SYN2: variants seen among roughly 807,000 people sequenced by gnomAD.
SYN2 encodes the protein synapsin-2.
A neutral mutation model predicts 50.9 loss-of-function variants in SYN2; 19 were observed. That is an observed-to-expected ratio of 0.37 (90% CI 0.26 to 0.55). SYN2 has a LOEUF of 0.55. Ranked by LOEUF, SYN2 falls within the 20% of genes least tolerant of loss-of-function variation. The pLI is 0.81. For synonymous variants in SYN2, 255 were observed against 224.9 expected (o/e 1.13, Z -1.20); for missense variants, 587 against 576.4 (o/e 1.02, Z -0.19).
At chr3:12,143,103 A>G (rs1471871766) in intron 3 of SYN2, among the ~76,000 whole-genome samples, 1 of 152,166 alleles carries the variant, frequency 6.6e-6, no homozygotes, top group African/African-American at 2.4e-5. Flanking sequence ...AAGCAGGGCA[A>G]GAATAAAGGC....
At chr3:12,059,203 A>G (rs1408616622) in intron 1 of SYN2, among the ~76,000 whole-genome samples, 1 of 152,192 alleles carries the variant, frequency 6.6e-6, no homozygotes. Flanking sequence ...CCTATGGTGT[A>G]TAGGTAAGGG....
intron 5 of SYN2, chr3:12,153,534 A>T: frequency 6.2e-7 from 1 of 1,613,744 alleles, no homozygotes. Flanking sequence ...AACGATGTCA[A>T]CAAACTCCTT....
intron 1 of SYN2, among the ~76,000 whole-genome samples, chr3:12,041,797 T>C (rs539713987): frequency 1.3e-5 from 2 of 152,366 alleles, no homozygotes; most frequent in African/African-American, 4.8e-5. Context: ...AAATTTGTTA[T>C]ATCCGGCGTT....
rs1213247292 is a variant in SYN2 at position 12,012,091 on chromosome 3, T to C, written c.377+7163T>C. Among the ~76,000 whole-genome samples the C allele has an allele frequency of 2.0e-5, 3 of 152,272 alleles. No individual in the cohort carries two copies. In the East Asian group the frequency reaches 5.8e-4, roughly 29 times the overall value. On this transcript the variant is annotated intron_variant, in intron 1 of 12. Transcript: ENST00000621198. ...CTTCTTTTTGTTGTTGTTATTTAGT[T>C]GAGGGCCACCGACTCAAGACAATAT... is the stretch of plus-strand genomic sequence containing the variant.
chr3:12,092,123 T>C (rs1695843334), intron 1 of SYN2, among the ~76,000 whole-genome samples: 1 of 152,150 alleles, frequency 6.6e-6, no homozygotes, highest in South Asian at 2.1e-4. Flanking sequence ...CTTTAACTCT[T>C]CTTGCACATT....
chr3:12,180,963 G>A (rs1451716074), intron 10 of SYN2, among the ~76,000 whole-genome samples: 1 of 152,212 alleles, frequency 6.6e-6, no homozygotes, highest in Non-Finnish European at 1.5e-5. Context: ...CACTGGATTG[G>A]AAGGAACCTT....
rs1157344983 is a variant in SYN2 at position 12,162,136 on chromosome 3, A to G, written c.962A>G (p.Asn321Ser). The G allele has an allele frequency of 1.2e-6, 2 of 1,614,178 alleles. No individual in the cohort carries two copies. The highest frequency in any genetic ancestry group is 1.1e-5 in the South Asian group (1 of 91,088). ...GACATCCGGGTCCAGAAGATTGGCA[A>G]CAACTACAAGGCTTACATGTGAGTA... Reference protein sequence around the residue: ...KYDIRVQKIGNNYKAYMRTSI... With the variant: ...KYDIRVQKIGSNYKAYMRTSI... Residue 321 changes from asparagine to serine, a missense_variant, in exon 7 of 13, where the codon AAC (asparagine) becomes AGC (serine). Transcript: ENST00000621198.
intron 11 of SYN2, chr3:12,184,161 A>G (rs769594398): frequency 1.0e-6 from 1 of 985,854 alleles, no homozygotes; most frequent in South Asian, 4.7e-5. Flanking sequence ...TGTGTTCTGT[A>G]TTTTACATCC....
intron 1 of SYN2, among the ~76,000 whole-genome samples, chr3:12,100,407 T>A (rs1368783668): frequency 2.0e-5 from 3 of 152,098 alleles, no homozygotes; most frequent in Non-Finnish European, 4.4e-5. Flanking sequence ...CAACAAAAGG[T>A]GCTGGGGCAA....
At position 12,121,101 on chromosome 3, in the gene SYN2, C is replaced by T. The variant is rs1300614042; in HGVS notation, c.378-19550C>T. 3.3e-5 allele frequency among the ~76,000 whole-genome samples: 5 copies of T among 152,196 alleles called. No homozygotes were observed. The South Asian group carries it at 1.0e-3, about 31-fold the overall frequency. ...ATTTGCCCAGAATTCCCTCTCCTAA[C>T]CTTTACTTCACTTTTGCCTGGCTAG... is the stretch of plus-strand genomic sequence containing the variant. On this transcript the variant is annotated intron_variant, in intron 1 of 12. Transcript: ENST00000621198.
intron 7 of SYN2, 87 bp downstream of exon 7, chr3:12,162,241 G>C (rs1697672119): frequency 6.6e-7 from 1 of 1,522,174 alleles, no homozygotes; most frequent in Non-Finnish European, 8.9e-7. Context: ...ATAACAGAGA[G>C]GGTGCCACTT....
At chr3:12,186,507 G>A (rs1202833099) in intron 11 of SYN2, among the ~76,000 whole-genome samples, 5 of 152,188 alleles carry the variant, frequency 3.3e-5, no homozygotes, top group Non-Finnish European at 5.9e-5. Context: ...ACATCCCCAG[G>A]GGAGAGTGGG....
chr3:12,063,118 T>TG (rs1559405041), intron 1 of SYN2, among the ~76,000 whole-genome samples: 1 of 151,112 alleles, frequency 6.6e-6, no homozygotes. Context: ...ACAGGAGATT[T>TG]GGGGGGTGGT....
chr3:12,122,713 A>G (rs17035861), intron 1 of SYN2, among the ~76,000 whole-genome samples: 12,400 of 152,228 alleles, frequency 0.081, 627 homozygotes, highest in African/African-American at 0.13. Context: ...CTGAGGCCCC[A>G]TAAGTCAATT....
At chr3:12,154,206 C>A (rs1407266147) in intron 5 of SYN2, 29 of 1,439,856 alleles carry the variant, frequency 2.0e-5, no homozygotes, top group Non-Finnish European at 2.8e-5. Flanking sequence ...GCTTTCTCAT[C>A]CCCAACTTCA....
intron 3 of SYN2, among the ~76,000 whole-genome samples, chr3:12,144,460 T>G (rs1697098968): frequency 6.6e-6 from 1 of 152,200 alleles, no homozygotes; most frequent in Non-Finnish European, 1.5e-5. Flanking sequence ...CATGGACCTC[T>G]GTGGCAGTGT....
chr3:12,132,810 C>T (rs979483774), intron 1 of SYN2, among the ~76,000 whole-genome samples: 2 of 151,980 alleles, frequency 1.3e-5, no homozygotes, highest in African/African-American at 4.8e-5. Context: ...CATTTTTTTA[C>T]CTTTCATTCT....
Position 12,165,264 on chromosome 3 carries a change from C to G in SYN2, c.981-1970C>G, listed in dbSNP as rs538444273. The G allele has an allele frequency of 3.3e-5, 5 of 152,290 alleles. No individual in the cohort carries two copies. The East Asian group carries it at 9.6e-4, about 29-fold the overall frequency. The allele number at this position is 152,290 out of a possible 1,614,324, so 9.4% of individuals were successfully genotyped here. A position where few individuals can be genotyped will look rare whatever the true frequency, so the allele number is the denominator to read the frequency against. On this transcript the variant is annotated intron_variant, in intron 7 of 12. Coordinates refer to ENST00000621198, the MANE Select transcript of SYN2 (RefSeq NM_133625.6). The stretch of plus-strand genomic sequence containing the variant: ...CCTCCCAAAGTGCTGGGATTACAGG[C>G]GTGAGCCTCCGGCCCTAACTTCCCG...
At chr3:12,164,685 C>T (rs1159337752) in intron 7 of SYN2, among the ~76,000 whole-genome samples, 2 of 152,124 alleles carry the variant, frequency 1.3e-5, no homozygotes, top group African/African-American at 2.4e-5. Flanking sequence ...TAGAGAATGG[C>T]CTCTCAGTGT....
Sources: allele counts gnomAD v4.1 joint callset (sites outside exome capture counted in the v4.1 genomes callset), GRCh38; gene constraint gnomAD v4.1.1; transcripts MANE v1.5; gene names NCBI Gene and HGNC (gene_info 2026-07-23, HGNC 2026-07-21).